Variants in UBE2E2 observed in about 807,000 individuals in gnomAD.
UBE2E2 encodes the protein ubiquitin conjugating enzyme E2 E2, also known as ubiquitin-conjugating enzyme E2 E2.
UBE2E2 carries 6 observed loss-of-function variants against 24.7 expected under a neutral mutation model. The observed-to-expected ratio is 0.24, with a 90% confidence interval of 0.13 to 0.48. The LOEUF is 0.48. Ranked by LOEUF, UBE2E2 falls within the 20% of genes least tolerant of loss-of-function variation. The probability of loss-of-function intolerance (pLI) is 0.99; values close to 1 mark genes in which losing one functional copy is unlikely to be tolerated. For missense variants in UBE2E2, 169 were observed against 245.0 expected, an observed-to-expected ratio of 0.69 and a Z score of 2.07; for synonymous variants, 104 against 83.6, an observed-to-expected ratio of 1.24 and a Z score of -1.33.
chr3:23,548,577 G>T (rs17013457), intron 5 of UBE2E2, among the ~76,000 whole-genome samples: 15 of 151,988 alleles, frequency 9.9e-5, no homozygotes, highest in African/African-American at 2.7e-4. Context: ...ATTCTTGGTT[G>T]TTCCTTCTCT....
intron 3 of UBE2E2, among the ~76,000 whole-genome samples, chr3:23,221,152 G>A (rs1229567400): frequency 1.3e-5 from 2 of 152,104 alleles, no homozygotes; most frequent in African/African-American, 4.8e-5. Flanking sequence ...TTGATTTTTG[G>A]TCTAGTAATT....
At position 23,520,170 on chromosome 3, in the gene UBE2E2, T is replaced by TTATTTTG. The variant is rs199895257; in HGVS notation, c.361-12377_361-12371dup. Among the ~76,000 whole-genome samples the TTATTTTG allele has an allele frequency of 9.7e-3, 1,470 of 152,200 alleles. 25 individuals are homozygous for TTATTTTG. Among genetic ancestry groups the TTATTTTG allele is most frequent in the African/African-American group, 0.033 (1,369 of 41,534 alleles). On this transcript the variant is annotated intron_variant, in intron 4 of 5. Transcript: ENST00000396703. The stretch of plus-strand genomic sequence containing the variant: ...GTGTGGGGTTTTCATTTGTCTTTGA[T>TTATTTTG]TATTTTGTATTTTCCTTATAAGCTT...
chr3:23,434,525 T>G (rs535995142), intron 3 of UBE2E2, among the ~76,000 whole-genome samples: 1 of 152,158 alleles, frequency 6.6e-6, no homozygotes, highest in South Asian at 2.1e-4. Flanking sequence ...CTCACTATAT[T>G]GTGTAAGTCT....
At chr3:23,567,630 T>A (rs551697374) in intron 5 of UBE2E2, among the ~76,000 whole-genome samples, 1 of 152,256 alleles carries the variant, frequency 6.6e-6, no homozygotes, top group East Asian at 1.9e-4. Flanking sequence ...GCCAAGTCAG[T>A]GACTTAAAGA....
At chr3:23,555,142 C>G (rs1695747623) in intron 5 of UBE2E2, among the ~76,000 whole-genome samples, 1 of 152,070 alleles carries the variant, frequency 6.6e-6, no homozygotes, top group Non-Finnish European at 1.5e-5. Flanking sequence ...GTCTTGAACT[C>G]CCGACCTCAT....
intron 3 of UBE2E2, among the ~76,000 whole-genome samples, chr3:23,417,294 T>C (rs1263688857): frequency 6.6e-6 from 1 of 152,202 alleles, no homozygotes; most frequent in South Asian, 2.1e-4. Flanking sequence ...TCATTTTCCT[T>C]CTAACAGGCC....
rs766246574 is a variant in UBE2E2 at position 23,494,291 on chromosome 3, TAAGC to T, written c.228-5314_228-5311del. Among the ~76,000 whole-genome samples, 5 of 152,144 alleles carry T rather than the reference TAAGC, an allele frequency of 3.3e-5. No homozygotes were observed. In the East Asian group the frequency reaches 7.7e-4, roughly 23 times the overall value. On this transcript the variant is annotated intron_variant, in intron 3 of 5. Coordinates refer to ENST00000396703, the MANE Select transcript of UBE2E2 (RefSeq NM_152653.4). Reference sequence around the variant, plus strand: ...TGACAGCCAGACTAAAGGAAAAAAATAAGCAAAGCATATTTTCATACATCTTTAC... The same window carrying T: ...TGACAGCCAGACTAAAGGAAAAAAATAAAGCATATTTTCATACATCTTTAC...
At chr3:23,327,296 T>C (rs1457386724) in intron 3 of UBE2E2, among the ~76,000 whole-genome samples, 1 of 152,184 alleles carries the variant, frequency 6.6e-6, no homozygotes, top group African/African-American at 2.4e-5. Flanking sequence ...ACCAACAGTG[T>C]AAAAGTGTTC....
chr3:23,455,664 G>T (rs1698662059), intron 3 of UBE2E2, among the ~76,000 whole-genome samples: 1 of 152,092 alleles, frequency 6.6e-6, no homozygotes, highest in African/African-American at 2.4e-5. Context: ...GCACTCCAGT[G>T]TAAGCAACAG....
chr3:23,356,878 A>G lies in UBE2E2; in HGVS notation c.227+139566A>G, dbSNP rs193090910. ...TCTGAAAAACTGGTCCCTGGTGCCA[A>G]AAAGGTTGAGGACCGCTGATTTAAC... is the stretch of plus-strand genomic sequence containing the variant. On this transcript the variant is annotated intron_variant, in intron 3 of 5. Transcript: ENST00000396703. Among the ~76,000 whole-genome samples, 101 of 152,320 alleles carry G rather than the reference A, an allele frequency of 6.6e-4. 5 individuals are homozygous for G. The East Asian group carries it at 0.015, about 23-fold the overall frequency.
At chr3:23,429,049 A>T (rs570095461) in intron 3 of UBE2E2, among the ~76,000 whole-genome samples, 1 of 152,252 alleles carries the variant, frequency 6.6e-6, no homozygotes, top group South Asian at 2.1e-4. Context: ...GAAATGAACC[A>T]ATTTCTTGAA....
intron 5 of UBE2E2, among the ~76,000 whole-genome samples, chr3:23,535,768 C>T (rs1158323123): frequency 6.6e-6 from 1 of 151,532 alleles, no homozygotes; most frequent in Non-Finnish European, 1.5e-5. Flanking sequence ...GTCTACAGGC[C>T]CCACCACCAT....
chr3:23,492,267 A>G (rs1355341769), intron 3 of UBE2E2, among the ~76,000 whole-genome samples: 2 of 152,224 alleles, frequency 1.3e-5, no homozygotes, highest in African/African-American at 4.8e-5. Context: ...TTGAATGTGA[A>G]CAATGTACTT....
intron 3 of UBE2E2, among the ~76,000 whole-genome samples, chr3:23,321,328 T>C (rs1694731793): frequency 6.6e-6 from 1 of 152,124 alleles, no homozygotes; most frequent in Non-Finnish European, 1.5e-5. Context: ...GCCACTTGGA[T>C]CTACCCTGCA....
intron 3 of UBE2E2, among the ~76,000 whole-genome samples, chr3:23,301,662 C>T (rs1277441543): frequency 6.6e-6 from 1 of 152,110 alleles, no homozygotes; most frequent in African/African-American, 2.4e-5. Context: ...CAGAGGAGTA[C>T]CCGGCCGTGT....
At position 23,350,171 on chromosome 3, in the gene UBE2E2, G is replaced by C. The variant is rs552112950; in HGVS notation, c.227+132859G>C. On this transcript the variant is annotated intron_variant, in intron 3 of 5. Transcript: ENST00000396703. ...CAAACTCCAACAGACCTGCAGCTGA[G>C]GGTCCTGTCTGTTAGAAGGAAAACT... Among the ~76,000 whole-genome samples, 7 of 152,332 alleles carry C rather than the reference G, an allele frequency of 4.6e-5. No individual in the cohort carries two copies. In the South Asian group the frequency reaches 1.4e-3, roughly 32 times the overall value.
intron 3 of UBE2E2, among the ~76,000 whole-genome samples, chr3:23,423,046 A>G (rs190438676): frequency 5.6e-4 from 85 of 152,292 alleles, no homozygotes; most frequent in Non-Finnish European, 8.5e-4. Flanking sequence ...TACATAATGA[A>G]GGTTCATTGG....
chr3:23,254,400 A>G (rs796455105), intron 3 of UBE2E2, among the ~76,000 whole-genome samples: 3 of 152,324 alleles, frequency 2.0e-5, no homozygotes, highest in Admixed American at 6.5e-5. Context: ...AAGTGTGCGT[A>G]GGTATTTGTG....
intron 4 of UBE2E2, among the ~76,000 whole-genome samples, chr3:23,506,524 C>T (rs1290062662): frequency 1.3e-5 from 2 of 152,188 alleles, no homozygotes; most frequent in Non-Finnish European, 2.9e-5. Flanking sequence ...ACATTTCTCA[C>T]CATCTTTCCC....
Sources: gnomAD v4.1 joint callset for allele counts (sites outside exome capture counted in the v4.1 genomes callset) on GRCh38, gnomAD v4.1.1 for gene constraint, MANE v1.5 for transcripts, NCBI Gene and HGNC (gene_info 2026-07-23, HGNC 2026-07-21) for gene names.